The following SHROOM4 variants were observed in gnomAD, a reference collection of about 807,000 sequenced individuals.
The protein encoded by SHROOM4 is protein Shroom4.
In SHROOM4, 17 loss-of-function variants were observed where a neutral mutation model predicts 80.3. That is an observed-to-expected ratio of 0.21 (90% CI 0.14 to 0.32). The LOEUF (loss-of-function observed/expected upper bound fraction) is 0.32. Ranked by LOEUF, SHROOM4 falls within the 10% of genes least tolerant of loss-of-function variation. The pLI is 1.00. For missense variants in SHROOM4, 993 were observed against 1,140.3 expected (o/e 0.87, Z 1.86); for synonymous variants, 400 against 437.5 (o/e 0.91, Z 1.07).
chrX:50,788,773 T>C (rs782227078), intron 1 of SHROOM4, among the ~76,000 whole-genome samples: 1 of 111,797 alleles, frequency 8.9e-6, no homozygotes, highest in South Asian at 3.7e-4. Context: ...ATATGCTGTC[T>C]ATAAGAGATT....
At position 50,633,165 on chromosome X, in the gene SHROOM4, ACCAAGT is replaced by A. The variant is rs782339199; in HGVS notation, c.2895+7_2895+12del. On this transcript the variant is annotated splice_region_variant and intron_variant, in intron 4 of 8. Transcript: ENST00000376020. ...AATAATGAAGGTTACCCACCCAAGAACCAAGTCCTCACCTGCACTGTCAGCTTCCTG... is the reference window on the plus strand; with the variant it reads ...AATAATGAAGGTTACCCACCCAAGAACCTCACCTGCACTGTCAGCTTCCTG... The A allele has an allele frequency of 4.1e-6, 5 of 1,205,350 alleles. No homozygotes were observed. The African/African-American group carries it at 8.8e-5, about 21-fold the overall frequency.
chrX:50,579,223 C>T, the SHROOM4 span, among the ~76,000 whole-genome samples: 1 of 111,780 alleles, frequency 8.9e-6, no homozygotes, highest in Admixed American at 9.5e-5. Flanking sequence ...AAAATTCATC[C>T]TATTTTGTAG....
At chrX:50,628,252 G>T in intron 4 of SHROOM4, among the ~76,000 whole-genome samples, 1 of 111,232 alleles carries the variant, frequency 9.0e-6, no homozygotes, top group East Asian at 2.9e-4. Flanking sequence ...GGCTGAGGTG[G>T]GCCCATCTCT....
At chrX:50,673,657 C>T (rs959968659) in intron 2 of SHROOM4, among the ~76,000 whole-genome samples, 24 of 110,527 alleles carry the variant, frequency 2.2e-4, no homozygotes, top group Non-Finnish European at 3.8e-4. Context: ...CAGTAATTCA[C>T]TTCAAATAAT....
At chrX:50,748,449 GATCA>G (rs1934827118) in intron 1 of SHROOM4, among the ~76,000 whole-genome samples, 1 of 111,963 alleles carries the variant, frequency 8.9e-6, no homozygotes, top group South Asian at 3.7e-4. Flanking sequence ...CTAGGACCTA[GATCA>G]GCTGGAGGGA....
At chrX:50,737,608 C>T (rs1348695410) in intron 1 of SHROOM4, among the ~76,000 whole-genome samples, 1 of 111,240 alleles carries the variant, frequency 9.0e-6, no homozygotes, top group Non-Finnish European at 1.9e-5. Context: ...TGAGAGTACA[C>T]CCTCCCAAGA....
At chrX:50,811,256 G>A (rs1557273417) in intron 1 of SHROOM4, among the ~76,000 whole-genome samples, 1 of 110,582 alleles carries the variant, frequency 9.0e-6, no homozygotes. Flanking sequence ...GCAGTGAGCC[G>A]AGCTGGCACC....
At chrX:50,671,817 T>C (rs1424253280) in intron 2 of SHROOM4, among the ~76,000 whole-genome samples, 2 of 112,973 alleles carry the variant, frequency 1.8e-5, no homozygotes, top group African/African-American at 3.2e-5. Flanking sequence ...AGAACTTTCC[T>C]TTGCATTCAC....
chrX:50,652,190 T>G (rs1477142055), intron 2 of SHROOM4, among the ~76,000 whole-genome samples: 5 of 111,905 alleles, frequency 4.5e-5, no homozygotes, highest in Non-Finnish European at 9.4e-5. Context: ...CTAATTTACA[T>G]TCCCACCAAC....
At chrX:50,733,179 C>A (rs1004743074) in intron 1 of SHROOM4, among the ~76,000 whole-genome samples, 4 of 111,936 alleles carry the variant, frequency 3.6e-5, no homozygotes, top group Non-Finnish European at 5.6e-5. Flanking sequence ...CCACCTTAAT[C>A]AACACAGAAA....
Position 50,598,688 on chromosome X carries a change from A to G in SHROOM4, c.3943-153T>C, listed in dbSNP as rs781838721. Reference sequence around the variant, plus strand: ...AAGGAAACTTGGGCAAGTCATGAGCAACTCCAGTCTTTTGGGCAAGCACCT... The same window carrying G: ...AAGGAAACTTGGGCAAGTCATGAGCGACTCCAGTCTTTTGGGCAAGCACCT... On this transcript the variant is annotated intron_variant, in intron 7 of 8. Transcript: ENST00000376020. 1.6e-3 allele frequency among the ~76,000 whole-genome samples: 179 copies of G among 111,937 alleles called. 1 individual carries two copies. Among genetic ancestry groups the G allele is most frequent in the Non-Finnish European group, 3.0e-3 (159 of 53,179 alleles).
chrX:50,689,005 G>A (rs782412788), intron 2 of SHROOM4, among the ~76,000 whole-genome samples: 17 of 111,185 alleles, frequency 1.5e-4, no homozygotes, highest in Non-Finnish European at 3.0e-4. Context: ...TTTATTATAT[G>A]AACCTGGTAT....
intron 1 of SHROOM4, among the ~76,000 whole-genome samples, chrX:50,723,323 GAGGGAGGGGGAGGAGGGGGAGAGGGGC>G (rs1934163150): frequency 1.5e-5 from 1 of 65,654 alleles, no homozygotes; most frequent in Non-Finnish European, 2.9e-5. Context: ...GGGAGGGGGG[GAGGGAGGGGGAGGAGGGGGAGAGGGGC>G]AGGGAGGGAA....
intron 5 of SHROOM4, among the ~76,000 whole-genome samples, chrX:50,611,457 C>A (rs1181897603): frequency 1.9e-5 from 2 of 107,455 alleles, no homozygotes; most frequent in Non-Finnish European, 3.9e-5. Context: ...AAATTAATAA[C>A]AAAATGAAAA....
At chrX:50,707,723 C>A (rs1361213659) in intron 1 of SHROOM4, among the ~76,000 whole-genome samples, 1 of 107,102 alleles carries the variant, frequency 9.3e-6, no homozygotes, top group African/African-American at 3.4e-5. Context: ...TTTTTTTCTC[C>A]GTCTCTTTTT....
chrX:50,779,783 C>T (rs1424767086), intron 1 of SHROOM4, among the ~76,000 whole-genome samples: 2 of 112,150 alleles, frequency 1.8e-5, no homozygotes, highest in African/African-American at 6.5e-5. Context: ...ATCTGCAAAA[C>T]ACACACTGCT....
intron 2 of SHROOM4, among the ~76,000 whole-genome samples, chrX:50,677,902 T>C (rs984842104): frequency 9.0e-6 from 1 of 111,535 alleles, no homozygotes; most frequent in East Asian, 2.8e-4. Context: ...TTCTGTTATC[T>C]GCCTAATCAG....
intron 1 of SHROOM4, among the ~76,000 whole-genome samples, chrX:50,732,341 G>A (rs900161412): frequency 9.0e-6 from 1 of 111,221 alleles, no homozygotes; most frequent in Admixed American, 9.6e-5. Context: ...ACAATAACAA[G>A]CTCCAGAAGG....
chrX:50,654,892 A>C (rs371214380), intron 2 of SHROOM4, among the ~76,000 whole-genome samples: 2 of 106,377 alleles, frequency 1.9e-5, no homozygotes, highest in South Asian at 4.4e-4. Context: ...ACACCTGGGT[A>C]CTAACCACAG....
Sources: allele counts gnomAD v4.1 joint callset (sites outside exome capture counted in the v4.1 genomes callset), GRCh38; gene constraint gnomAD v4.1.1; transcripts MANE v1.5; gene names NCBI Gene and HGNC (gene_info 2026-07-23, HGNC 2026-07-21).